Variants in PANK4 observed in about 807,000 individuals in gnomAD.
PANK4 encodes 4'-phosphopantetheine phosphatase.
PANK4 carries 40 observed loss-of-function variants against 87.9 expected under a neutral mutation model. That is an observed-to-expected ratio of 0.46 (90% CI 0.35 to 0.59). The LOEUF (loss-of-function observed/expected upper bound fraction) is 0.59, where lower values mean the gene tolerates loss of function less well. PANK4 is among the 20% of genes least tolerant of loss of function. The pLI is 0.00. For missense variants in PANK4, 926 were observed against 1,072.3 expected, an observed-to-expected ratio of 0.86 and a Z score of 1.90; for synonymous variants, 524 against 467.4, an observed-to-expected ratio of 1.12 and a Z score of -1.56.
chr1:2,509,814 G>C lies in PANK4; in HGVS notation c.2108+48C>G, dbSNP rs1643628655. 2 of 1,541,262 alleles carry C rather than the reference G, an allele frequency of 1.3e-6. No homozygotes were observed. Among genetic ancestry groups the C allele is most frequent in the Non-Finnish European group, 1.8e-6 (2 of 1,119,252 alleles). On this transcript the variant is annotated intron_variant, in intron 18 of 18. Transcript: ENST00000378466. The surrounding 1 kb of genome is among the most constrained non-coding windows in gnomAD (Gnocchi z 4.9). ...CCTGGGTGCAGGTGCACGGCACAGA[G>C]GGCACAGAGCCCAGGAGGGAGAGAA... is the stretch of plus-strand genomic sequence containing the variant.
chr1:2,511,605 C>A (rs1257324588), intron 14 of PANK4, 23 bp downstream of exon 14: 2 of 1,569,308 alleles, frequency 1.3e-6, no homozygotes, highest in Non-Finnish European at 1.8e-6. Flanking sequence ...AGGCAAGGCC[C>A]CAAGTTACTT....
Position 2,520,420 on chromosome 1 carries a change from A to G in PANK4, c.607-6T>C. The G allele has an allele frequency of 6.2e-7, 1 of 1,611,308 alleles. No homozygotes were observed. The highest frequency in any genetic ancestry group is 1.3e-5 in the African/African-American group (1 of 75,012). On this transcript the variant is annotated splice_region_variant and splice_polypyrimidine_tract_variant and intron_variant, in intron 4 of 18. Transcript: ENST00000378466. This position sits in a 1 kb window ranked among gnomAD's most constrained non-coding sequence, Gnocchi z 6.2. ...AACCTGTCCTCCGTCTCCACCTGCA[A>G]CAGAGCCAGGGCAGGTGTGCCCTCA...
Position 2,520,991 on chromosome 1 carries a change from C to A in PANK4, c.423-85G>T, listed in dbSNP as rs764757610. Reference sequence around the variant, plus strand: ...AGCCTGCCTGGTCCGAAGGGGCAGCCATGCCCCATGCGCAATCTGACACAC... The same window carrying A: ...AGCCTGCCTGGTCCGAAGGGGCAGCAATGCCCCATGCGCAATCTGACACAC... On this transcript the variant is annotated intron_variant, in intron 3 of 18. Transcript: ENST00000378466. The surrounding 1 kb of genome is among the most constrained non-coding windows in gnomAD (Gnocchi z 6.2). The A allele has an allele frequency of 1.3e-6, 2 of 1,515,118 alleles. No homozygotes were observed. Among genetic ancestry groups the A allele is most frequent in the Non-Finnish European group, 9.1e-7 (1 of 1,104,652 alleles). 93.9% of individuals were successfully genotyped at this position (1,515,118 alleles called of 1,614,324 possible).
At position 2,511,374 on chromosome 1, in the gene PANK4, G is replaced by A; in HGVS notation, c.1797C>T (p.Leu599=). ...GAAGCCACTCGCTGTAGGAATCCAC[G>A]AGCCAGGGTCTTTCTGAGACAGAGA... ...AKRKLQERPW[L]VDSYSEWLQR... is the part of the protein sequence containing the mutation. The change falls in exon 15 of 19, where the codon CTC becomes CTT. Residue 599 remains leucine (L), a synonymous_variant. Transcript: ENST00000378466. 6 of 1,610,590 alleles carry A rather than the reference G, an allele frequency of 3.7e-6. No homozygotes were observed. The highest frequency in any genetic ancestry group is 5.1e-6 in the Non-Finnish European group (6 of 1,177,766).
intron 1 of PANK4, among the ~76,000 whole-genome samples, chr1:2,523,873 C>A (rs1643898624): frequency 6.6e-6 from 1 of 152,246 alleles, no homozygotes; most frequent in East Asian, 1.9e-4. Flanking sequence ...GCTCTCCGGG[C>A]TGCCCGCGCT....
At chr1:2,522,989 T>C (rs34683021) in intron 1 of PANK4, among the ~76,000 whole-genome samples, 40,610 of 136,482 alleles carry the variant, frequency 0.3, 6,259 homozygotes, top group African/African-American at 0.42. Context: ...TGGATGGTGC[T>C]ATAGTGACTT....
At chr1:2,514,933 G>A (rs993509097) in intron 10 of PANK4, among the ~76,000 whole-genome samples, 16 of 152,086 alleles carry the variant, frequency 1.1e-4, no homozygotes, top group African/African-American at 2.9e-4. Context: ...CTGTGCCGGG[G>A]ACGAGGGGCT....
chr1:2,512,615 C>T lies in PANK4; in HGVS notation c.1727+273G>A, dbSNP rs575389799. 6.5e-6 allele frequency: 3 copies of T among 460,258 alleles called. 1 individual carries two copies. Among genetic ancestry groups the T allele is most frequent in the South Asian group, 8.3e-5 (2 of 24,202 alleles). 28.5% of individuals were successfully genotyped at this position (460,258 alleles called of 1,614,324 possible). Reference sequence around the variant, plus strand: ...TTCTGACAATAGAAAATGCCAGCCCCGATTTTCAAATCCACACCCTTAGGC... The same window carrying T: ...TTCTGACAATAGAAAATGCCAGCCCTGATTTTCAAATCCACACCCTTAGGC... On this transcript the variant is annotated intron_variant, in intron 13 of 18. Coordinates refer to ENST00000378466, the MANE Select transcript of PANK4 (RefSeq NM_018216.4).
At chr1:2,524,049 G>A (rs1057096682) in intron 1 of PANK4, among the ~76,000 whole-genome samples, 6 of 152,162 alleles carry the variant, frequency 3.9e-5, no homozygotes, top group African/African-American at 1.4e-4. Flanking sequence ...ACCAATGGAG[G>A]GCAGGACAGC....
rs986318677 is a variant in PANK4, at chr1:2,508,795, A to C, written c.*52T>G. 12 of 1,156,774 alleles carry C rather than the reference A, an allele frequency of 1.0e-5. No homozygotes were observed. Among genetic ancestry groups the C allele is most frequent in the Non-Finnish European group, 1.5e-5 (12 of 786,522 alleles). 71.7% of individuals were successfully genotyped at this position (1,156,774 alleles called of 1,614,324 possible). A position where few individuals can be genotyped will look rare whatever the true frequency, so the allele number is the denominator to read the frequency against. ...TGAACGCAGTTTCCCTGTGGTGGTAAAAACACATTCCTGACAAGTGACAAG... is the reference window on the plus strand; with the variant it reads ...TGAACGCAGTTTCCCTGTGGTGGTACAAACACATTCCTGACAAGTGACAAG... On this transcript the variant is annotated 3_prime_UTR_variant, in exon 19 of 19. Transcript: ENST00000378466. This position sits in a 1 kb window ranked among gnomAD's most constrained non-coding sequence, Gnocchi z 5.1.
Position 2,509,766 on chromosome 1 carries a change from C to T in PANK4, c.2108+96G>A. The stretch of plus-strand genomic sequence containing the variant: ...GTCAGGAGAGGCCGCAGGGGCAGTC[C>T]TGAGGTCGGTGTCCCGCATGCACCT... On this transcript the variant is annotated intron_variant, in intron 18 of 18. Coordinates refer to ENST00000378466, the MANE Select transcript of PANK4 (RefSeq NM_018216.4). This position sits in a 1 kb window ranked among gnomAD's most constrained non-coding sequence, Gnocchi z 4.9. The T allele has an allele frequency of 9.2e-7, 1 of 1,091,476 alleles. No homozygotes were observed. Among genetic ancestry groups the T allele is most frequent in the Non-Finnish European group, 1.4e-6 (1 of 722,238 alleles). The allele number at this position is 1,091,476 out of a possible 1,614,324, so 67.6% of individuals were successfully genotyped here.
At position 2,508,611 on chromosome 1, in the gene PANK4, T is replaced by G. The variant is rs1477507553; in HGVS notation, c.*236A>C. On this transcript the variant is annotated 3_prime_UTR_variant, in exon 19 of 19. Coordinates refer to ENST00000378466, the MANE Select transcript of PANK4 (RefSeq NM_018216.4). The surrounding 1 kb of genome is among the most constrained non-coding windows in gnomAD (Gnocchi z 5.1). ...AGACATACCTGTATAGATCTCTCTA[T>G]TTATATATATATATATATAAAAGGT... The G allele has an allele frequency of 8.7e-6, 2 of 229,574 alleles. No homozygotes were observed. Among genetic ancestry groups the G allele is most frequent in the Non-Finnish European group, 1.5e-5 (2 of 132,570 alleles). 14.2% of individuals were successfully genotyped at this position (229,574 alleles called of 1,614,324 possible). A position where few individuals can be genotyped will look rare whatever the true frequency, so the allele number is the denominator to read the frequency against.
At position 2,509,665 on chromosome 1, in the gene PANK4, T is replaced by C. The variant is rs1643626514; in HGVS notation, c.2108+197A>G. On this transcript the variant is annotated intron_variant, in intron 18 of 18. Coordinates refer to ENST00000378466, the MANE Select transcript of PANK4 (RefSeq NM_018216.4). The surrounding 1 kb of genome is among the most constrained non-coding windows in gnomAD (Gnocchi z 4.9). The stretch of plus-strand genomic sequence containing the variant: ...GCCCATGTGTAACCACCTCAGACCC[T>C]GAATCCATTCACCCTCCCCAGGCCA... The C allele has an allele frequency of 4.8e-6, 3 of 619,816 alleles. No individual in the cohort carries two copies. The highest frequency in any genetic ancestry group is 2.9e-6 in the Non-Finnish European group (1 of 340,792). 38.4% of individuals were successfully genotyped at this position (619,816 alleles called of 1,614,324 possible).
chr1:2,518,173 C>T lies in PANK4; in HGVS notation c.1209G>A (p.Arg403=). ...AGAGCCCACTACTCACAGTGCCACT[C>T]CGCGCCCGCTGCGCCGGGCCGAGCT... is the stretch of plus-strand genomic sequence containing the variant. ...SPELGPAQRA[R]SGTFDLLEMD... The change falls in exon 9 of 19, where the codon CGG becomes CGA. Residue 403 remains arginine, a synonymous_variant. Coordinates refer to ENST00000378466, the MANE Select transcript of PANK4 (RefSeq NM_018216.4). The T allele has an allele frequency of 6.2e-7, 1 of 1,604,428 alleles. No individual in the cohort carries two copies. Among genetic ancestry groups the T allele is most frequent in the Non-Finnish European group, 8.5e-7 (1 of 1,177,672 alleles).
At chr1:2,518,341 T>C in intron 8 of PANK4, 77 bp from the exon 9 acceptor site, 1 of 1,093,908 alleles carries the variant, frequency 9.1e-7, no homozygotes, top group Non-Finnish European at 1.4e-6. Flanking sequence ...GAGGAAAGGG[T>C]ATAAAATCGC....
In PANK4 at chr1:2,519,156, T is replaced by C; in HGVS notation, c.1022A>G (p.Asn341Ser). ...VTMRTITYSI[N>S]FFSKGEVQAL... Reference sequence around the variant, plus strand: ...CGCATCCGTTACCTTGGAGAAGAAGTTGATGCTATAGGTGATGGTGCGCAT... The same window carrying C: ...CGCATCCGTTACCTTGGAGAAGAAGCTGATGCTATAGGTGATGGTGCGCAT... Residue 341 changes from asparagine to serine, a missense_variant, in exon 7 of 19, where the codon AAC becomes AGC. Physicochemically the swap from Asn to Ser is conservative, Grantham distance 46. Coordinates refer to ENST00000378466, the MANE Select transcript of PANK4 (RefSeq NM_018216.4). This position sits in a 1 kb window ranked among gnomAD's most constrained non-coding sequence, Gnocchi z 8.3. 2 of 1,611,682 alleles carry C rather than the reference T, an allele frequency of 1.2e-6. No homozygotes were observed. The highest frequency in any genetic ancestry group is 1.7e-6 in the Non-Finnish European group (2 of 1,179,392).
At chr1:2,524,959 C>CCAAGT (rs1184302491) in intron 1 of PANK4, among the ~76,000 whole-genome samples, 1 of 152,150 alleles carries the variant, frequency 6.6e-6, no homozygotes, top group East Asian at 1.9e-4. Context: ...CCAGTCAGTC[C>CCAAGT]CAAGTCCTAT....
At position 2,520,855 on chromosome 1, in the gene PANK4, C is replaced by T; in HGVS notation, c.474G>A (p.Val158=). 1.3e-6 allele frequency: 2 copies of T among 1,580,642 alleles called. No homozygotes were observed. The highest frequency in any genetic ancestry group is 1.7e-6 in the Non-Finnish European group (2 of 1,164,348). ...MTCLIKGCNF[V]LKNIPHEAFV... ...AGGCCTCATGGGGGATGTTCTTGAGCACGAAGTTGCACCCCTTAATCAGGC... is the reference window on the plus strand; with the variant it reads ...AGGCCTCATGGGGGATGTTCTTGAGTACGAAGTTGCACCCCTTAATCAGGC... Residue 158 remains valine, a synonymous_variant, in exon 4 of 19, where the codon GTG becomes GTA. Transcript: ENST00000378466. This position sits in a 1 kb window ranked among gnomAD's most constrained non-coding sequence, Gnocchi z 6.2.
chr1:2,520,843 G>T lies in PANK4; in HGVS notation c.486C>A (p.Ile162=). Residue 162 remains isoleucine (I), a synonymous_variant, in exon 4 of 19, where the codon ATC becomes ATA. Coordinates refer to ENST00000378466, the MANE Select transcript of PANK4 (RefSeq NM_018216.4). This position sits in a 1 kb window ranked among gnomAD's most constrained non-coding sequence, Gnocchi z 6.2. Reference sequence around the variant, plus strand: ...TCTGGTACACGAAGGCCTCATGGGGGATGTTCTTGAGCACGAAGTTGCACC... The same window carrying T: ...TCTGGTACACGAAGGCCTCATGGGGTATGTTCTTGAGCACGAAGTTGCACC... The part of the protein sequence containing the change: ...IKGCNFVLKN[I]PHEAFVYQKD... 6.3e-7 allele frequency: 1 copy of T among 1,593,752 alleles called. No individual in the cohort carries two copies. The highest frequency in any genetic ancestry group is 8.5e-7 in the Non-Finnish European group (1 of 1,170,832).
Sources: allele counts gnomAD v4.1 joint callset (sites outside exome capture counted in the v4.1 genomes callset), GRCh38; gene constraint gnomAD v4.1.1; non-coding constraint Gnocchi (gnomAD v3.1); transcripts MANE v1.5; gene names NCBI Gene and HGNC (gene_info 2026-07-23, HGNC 2026-07-21).